CSMD1: variants seen among roughly 807,000 people sequenced by gnomAD.
The protein encoded by CSMD1 is CUB and Sushi multiple domains 1.
In CSMD1, 213 loss-of-function variants were observed where a neutral mutation model predicts 417.5. The observed-to-expected ratio is 0.51, with a 90% CI of 0.46 to 0.57. The LOEUF (loss-of-function observed/expected upper bound fraction) is 0.57. CSMD1 is among the 20% of genes least tolerant of loss of function. CSMD1 has a pLI of 0.00. For synonymous variants in CSMD1, 2,862 were observed against 1,736.8 expected (o/e 1.65, Z -16.11); for missense variants, 6,923 against 4,529.7 (o/e 1.53, Z -15.17).
intron 2 of CSMD1, among the ~76,000 whole-genome samples, chr8:4,582,370 T>C (rs192253210): frequency 6.1e-4 from 93 of 152,258 alleles, no homozygotes; most frequent in Non-Finnish European, 9.9e-4. Flanking sequence ...ATAAACATAA[T>C]TGTTTTGAGG....
intron 2 of CSMD1, among the ~76,000 whole-genome samples, chr8:4,599,452 G>C (rs1007562534): frequency 4.0e-5 from 6 of 151,192 alleles, no homozygotes; most frequent in Non-Finnish European, 5.9e-5. Flanking sequence ...ACCTAATTAA[G>C]AGAAGACAGA....
At chr8:3,125,196 A>G (rs1817430861) in intron 41 of CSMD1, among the ~76,000 whole-genome samples, 1 of 152,230 alleles carries the variant, frequency 6.6e-6, no homozygotes, top group Admixed American at 6.5e-5. Context: ...AGTATGCTGA[A>G]GAATTTTGGA....
intron 26 of CSMD1, among the ~76,000 whole-genome samples, chr8:3,234,414 C>T (rs919231922): frequency 1.3e-5 from 2 of 152,124 alleles, no homozygotes; most frequent in Non-Finnish European, 2.9e-5. Context: ...TCATTCTTCT[C>T]GTCATTATCA....
chr8:4,199,217 C>G (rs1585008293), intron 3 of CSMD1, among the ~76,000 whole-genome samples: 1 of 144,880 alleles, frequency 6.9e-6, no homozygotes, highest in Non-Finnish European at 1.5e-5. Flanking sequence ...TACCAAATAT[C>G]CTCTTGAGGT....
At chr8:3,093,146 A>C (rs900243842) in intron 47 of CSMD1, among the ~76,000 whole-genome samples, 1 of 152,126 alleles carries the variant, frequency 6.6e-6, no homozygotes, top group Non-Finnish European at 1.5e-5. Context: ...TGTGACTTTA[A>C]AGAGAGAGAG....
intron 4 of CSMD1, among the ~76,000 whole-genome samples, chr8:4,020,289 C>T (rs557526668): frequency 2.0e-4 from 31 of 152,314 alleles, no homozygotes; most frequent in African/African-American, 7.2e-4. Flanking sequence ...GTGACCAGTG[C>T]AGAGCTGCTG....
At chr8:3,147,631 G>A (rs1266097084) in intron 40 of CSMD1, among the ~76,000 whole-genome samples, 1 of 152,116 alleles carries the variant, frequency 6.6e-6, no homozygotes, top group Non-Finnish European at 1.5e-5. Flanking sequence ...GCACCCTGGG[G>A]GGCAGTCATT....
intron 26 of CSMD1, among the ~76,000 whole-genome samples, chr8:3,263,322 C>T (rs1006542657): frequency 2.0e-5 from 3 of 152,204 alleles, no homozygotes; most frequent in Non-Finnish European, 4.4e-5. Flanking sequence ...TAGTCTCGAA[C>T]TCCTGGCCTC....
rs552220883 is a variant in CSMD1, at chr8:3,157,875, G to A, written c.5914+22C>T. 1.6e-5 allele frequency: 25 copies of A among 1,543,996 alleles called. No individual in the cohort carries two copies. The Admixed American group carries it at 1.8e-4, about 11-fold the overall frequency. On this transcript the variant is annotated intron_variant, in intron 39 of 69. Coordinates refer to ENST00000635120, the MANE Select transcript of CSMD1 (RefSeq NM_033225.6). ...TTCCCAGTGTGTGCGCAGCAGCAGA[G>A]TTACAGAAGGTGCATCCTTACCAAT...
At chr8:3,754,938 G>C (rs139485221) in intron 5 of CSMD1, among the ~76,000 whole-genome samples, 9 of 147,482 alleles carry the variant, frequency 6.1e-5, no homozygotes, top group African/African-American at 2.3e-4. Flanking sequence ...ATTTGAAATG[G>C]AATAAAATTA....
At chr8:4,668,833 T>C (rs1343396014) in intron 1 of CSMD1, among the ~76,000 whole-genome samples, 1 of 152,180 alleles carries the variant, frequency 6.6e-6, no homozygotes, top group Admixed American at 6.5e-5. Flanking sequence ...TCTATATCTG[T>C]TATCCTCTCT....
chr8:3,753,284 A>C (rs148500300), intron 6 of CSMD1, among the ~76,000 whole-genome samples: 10 of 152,330 alleles, frequency 6.6e-5, no homozygotes, highest in Admixed American at 6.5e-4. Flanking sequence ...TAATAAACTG[A>C]ATAGTTTTTT....
At position 4,078,393 on chromosome 8, in the gene CSMD1, C is replaced by T. The variant is rs964181124; in HGVS notation, c.416-46294G>A. 2.0e-5 allele frequency among the ~76,000 whole-genome samples: 3 copies of T among 146,456 alleles called. 1 individual carries two copies. The South Asian group carries it at 6.5e-4, about 32-fold the overall frequency. On this transcript the variant is annotated intron_variant, in intron 3 of 69. Coordinates refer to ENST00000635120, the MANE Select transcript of CSMD1 (RefSeq NM_033225.6). The stretch of plus-strand genomic sequence containing the variant: ...GCAGTGGCGTGATCTCGACTCACTG[C>T]AAGCTCCACCTCCCGGGTTCACGCC...
chr8:3,741,351 G>A (rs1214997973), intron 6 of CSMD1, among the ~76,000 whole-genome samples: 1 of 152,088 alleles, frequency 6.6e-6, no homozygotes, highest in Non-Finnish European at 1.5e-5. Flanking sequence ...AAGTTTGACA[G>A]TGAGAGGGGA....
At chr8:4,928,744 A>G (rs974236173) in intron 1 of CSMD1, among the ~76,000 whole-genome samples, 1 of 152,040 alleles carries the variant, frequency 6.6e-6, no homozygotes, top group African/African-American at 2.4e-5. Context: ...ATAGGATTTT[A>G]TTTGCACATA....
At chr8:4,385,184 T>G in intron 3 of CSMD1, among the ~76,000 whole-genome samples, 1 of 152,146 alleles carries the variant, frequency 6.6e-6, no homozygotes, top group East Asian at 1.9e-4. Flanking sequence ...CGTCTCGGCG[T>G]CTTAAAGTGA....
intron 7 of CSMD1, among the ~76,000 whole-genome samples, chr8:3,624,236 C>A (rs971943569): frequency 6.6e-6 from 1 of 152,134 alleles, no homozygotes; most frequent in Non-Finnish European, 1.5e-5. Flanking sequence ...ATGGTTTCAA[C>A]CACGAGTCTT....
At chr8:4,820,441 C>A (rs1563491947) in intron 1 of CSMD1, among the ~76,000 whole-genome samples, 1 of 152,088 alleles carries the variant, frequency 6.6e-6, no homozygotes, top group South Asian at 2.1e-4. Flanking sequence ...AAATAGTAGC[C>A]ATTTCTGCAC....
chr8:3,781,589 G>A (rs890065244), intron 5 of CSMD1, among the ~76,000 whole-genome samples: 3 of 152,168 alleles, frequency 2.0e-5, no homozygotes, highest in Admixed American at 6.5e-5. Flanking sequence ...AATTATCAGT[G>A]TACTCTGTCC....
Sources: allele counts gnomAD v4.1 joint callset (sites outside exome capture counted in the v4.1 genomes callset), GRCh38; gene constraint gnomAD v4.1.1; transcripts MANE v1.5; gene names NCBI Gene and HGNC (gene_info 2026-07-23, HGNC 2026-07-21).